RPGRIP1: variants seen among roughly 807,000 people sequenced by gnomAD.
The protein encoded by RPGRIP1 is X-linked retinitis pigmentosa GTPase regulator-interacting protein 1.
Under a neutral mutation model 157.9 loss-of-function variants are expected in RPGRIP1, and 128 were observed. The ratio of observed to expected loss-of-function variants is 0.81; its 90% CI spans 0.70 to 0.94. The LOEUF is 0.94. RPGRIP1 is among the 40% of genes least tolerant of loss of function. RPGRIP1 has a pLI of 0.00. For missense variants in RPGRIP1, 1,486 were observed against 1,545.8 expected (o/e 0.96, Z 0.65); for synonymous variants, 554 against 571.6 (o/e 0.97, Z 0.44).
chr14:21,321,395 GT>G lies in RPGRIP1; in HGVS notation c.1606del (p.Tyr536IlefsTer8). 1 of 1,610,140 alleles carries G rather than the reference GT, an allele frequency of 6.2e-7. No individual in the cohort carries two copies. The highest frequency in any genetic ancestry group is 8.5e-7 in the Non-Finnish European group (1 of 1,178,542). ...ATTCTGCAGCGCAAAATCAACGTGT[GT>G]TATCAGGTGCAAGGAAAGATGGTAC... is the stretch of plus-strand genomic sequence containing the variant. The part of the protein sequence containing the change: ...MLILQRKINV[C>X]YQEELEAMMT... On this transcript the variant is annotated frameshift_variant, in exon 13 of 25. Transcript: ENST00000400017. LOFTEE classifies it high-confidence loss of function.
chr14:21,336,052 G>A (rs1033438713), intron 21 of RPGRIP1, among the ~76,000 whole-genome samples: 2 of 152,274 alleles, frequency 1.3e-5, no homozygotes, highest in East Asian at 3.9e-4. Flanking sequence ...AAACCAAGGA[G>A]GTAGATTGTG....
At chr14:21,282,380 G>A (rs2139125494) in intron 1 of RPGRIP1, among the ~76,000 whole-genome samples, 1 of 151,754 alleles carries the variant, frequency 6.6e-6, no homozygotes, top group African/African-American at 2.4e-5. Context: ...GGGACTACAG[G>A]CACGCACCAC....
chr14:21,289,273 A>T (rs747301604), intron 2 of RPGRIP1, among the ~76,000 whole-genome samples: 1 of 152,096 alleles, frequency 6.6e-6, no homozygotes, highest in Non-Finnish European at 1.5e-5. Context: ...GCTTGCAGTG[A>T]GCCGAGATCG....
intron 1 of RPGRIP1, among the ~76,000 whole-genome samples, chr14:21,286,335 G>A (rs1880298468): frequency 6.6e-6 from 1 of 151,916 alleles, no homozygotes; most frequent in African/African-American, 2.4e-5. Context: ...GCTAATGGGT[G>A]AGGGAAAGGG....
chr14:21,326,530 C>T (rs950346261), intron 17 of RPGRIP1, among the ~76,000 whole-genome samples: 2 of 151,994 alleles, frequency 1.3e-5, no homozygotes, highest in African/African-American at 2.4e-5. Context: ...CCACCACACC[C>T]GGCTAATTTT....
rs1957413 is a variant in RPGRIP1, at chr14:21,310,429, G to A, written c.907-155G>A. Among the ~76,000 whole-genome samples, 82,135 of 151,964 alleles carry A rather than the reference G, an allele frequency of 0.54. 22,249 individuals are homozygous for A. The highest frequency in any genetic ancestry group is 0.61 in the South Asian group (2,961 of 4,820). On this transcript the variant is annotated intron_variant, in intron 7 of 24. Coordinates refer to ENST00000400017, the MANE Select transcript of RPGRIP1 (RefSeq NM_020366.4). The stretch of plus-strand genomic sequence containing the variant: ...CAGACTACTTGGCAAGCTAGGGCAG[G>A]GGAAAAATAGCAACAATTAGTAAAC...
intron 1 of RPGRIP1, 112 bp from the exon 2 acceptor site, chr14:21,287,827 A>G (rs905342330): frequency 7.2e-6 from 4 of 558,878 alleles, no homozygotes; most frequent in African/African-American, 3.8e-5. Context: ...TGACTCTGAC[A>G]TGTCATATAC....
intron 10 of RPGRIP1, among the ~76,000 whole-genome samples, chr14:21,317,188 C>T (rs1881865985): frequency 6.6e-6 from 1 of 152,062 alleles, no homozygotes. Flanking sequence ...TGGGTCTGCT[C>T]TGACAGCTTG....
At chr14:21,294,922 G>GCAA (rs1880704745) in intron 3 of RPGRIP1, 113 bp downstream of exon 3, 1 of 814,452 alleles carries the variant, frequency 1.2e-6, no homozygotes, top group African/African-American at 2.0e-5. Flanking sequence ...TTGGCTCACT[G>GCAA]CAACCTCCGC....
At chr14:21,339,944 A>G (rs1364234861) in intron 21 of RPGRIP1, among the ~76,000 whole-genome samples, 2 of 152,220 alleles carry the variant, frequency 1.3e-5, no homozygotes, top group Non-Finnish European at 2.9e-5. Flanking sequence ...GATTCTAAGT[A>G]CTATGAAGGA....
Position 21,351,189 on chromosome 14 carries a change from G to A in RPGRIP1, c.3834G>A (p.Lys1278=). 6.2e-7 allele frequency: 1 copy of A among 1,608,722 alleles called. No individual in the cohort carries two copies. Among genetic ancestry groups the A allele is most frequent in the Non-Finnish European group, 8.5e-7 (1 of 1,176,266 alleles). ...CTGCTGTCCTCCATGCTATTTACAA[G>A]GAGATGACTGAAGATTTGTTTTCAT... ...QAAAVLHAIY[K]EMTEDLFS is the part of the protein sequence containing the mutation. The change falls in exon 25 of 25, where the codon AAG becomes AAA. Residue 1278 remains lysine (K), a synonymous_variant. Transcript: ENST00000400017.
At chr14:21,285,135 G>C (rs146937881) in intron 1 of RPGRIP1, among the ~76,000 whole-genome samples, 1 of 151,920 alleles carries the variant, frequency 6.6e-6, no homozygotes, top group African/African-American at 2.4e-5. Context: ...ATAAATGAAG[G>C]TAGTTTCTGT....
intron 7 of RPGRIP1, among the ~76,000 whole-genome samples, chr14:21,308,563 T>A (rs2139170196): frequency 6.6e-6 from 1 of 152,196 alleles, no homozygotes; most frequent in South Asian, 2.1e-4. Flanking sequence ...GTGGGTGAGG[T>A]GCTGATATGG....
At chr14:21,282,404 T>C (rs1476007925) in intron 1 of RPGRIP1, among the ~76,000 whole-genome samples, 1 of 151,142 alleles carries the variant, frequency 6.6e-6, no homozygotes, top group African/African-American at 2.4e-5. Context: ...GCCTGGCTAA[T>C]TTTTTTGTAT....
At position 21,325,967 on chromosome 14, in the gene RPGRIP1, A is replaced by T; in HGVS notation, c.2504A>T (p.Asp835Val). 6.2e-7 allele frequency: 1 copy of T among 1,613,938 alleles called. No individual in the cohort carries two copies. The highest frequency in any genetic ancestry group is 8.5e-7 in the Non-Finnish European group (1 of 1,179,884). Reference protein sequence around the residue: ...VYRFFTFSDHDTAIIPASNNP... With the variant: ...VYRFFTFSDHVTAIIPASNNP... The stretch of plus-strand genomic sequence containing the variant: ...CGCTTCTTCACCTTTTCTGACCATG[A>T]CACTGCCATCATTCCAGCCAGTAAC... The change falls in exon 17 of 25, where the codon GAC (aspartate) becomes GTC (valine). Residue 835 changes from aspartate (D) to valine (V), a missense_variant. Physicochemically the swap from Asp to Val is radical, Grantham distance 152 (BLOSUM62 -3). Transcript: ENST00000400017.
At chr14:21,321,548 G>A in intron 13 of RPGRIP1, 146 bp downstream of exon 13, 1 of 1,426,568 alleles carries the variant, frequency 7.0e-7, no homozygotes, top group Non-Finnish European at 9.2e-7. Context: ...GCTGTCCTTT[G>A]AAGAACTTGA....
intron 20 of RPGRIP1, among the ~76,000 whole-genome samples, chr14:21,331,832 G>A (rs1763875254): frequency 1.3e-5 from 2 of 151,452 alleles, no homozygotes; most frequent in Admixed American, 1.3e-4. Context: ...TTAATAATGA[G>A]AGGAAAAATA....
At chr14:21,316,644 C>A (rs1376948666) in intron 10 of RPGRIP1, among the ~76,000 whole-genome samples, 1 of 152,194 alleles carries the variant, frequency 6.6e-6, no homozygotes. Flanking sequence ...TCTCGAAGTC[C>A]TGACCTCATG....
At chr14:21,338,106 T>G (rs60373936) in intron 21 of RPGRIP1, among the ~76,000 whole-genome samples, 1 of 151,838 alleles carries the variant, frequency 6.6e-6, no homozygotes, top group East Asian at 1.9e-4. Flanking sequence ...TTAGTAGAGA[T>G]GGGGTTTCAC....
Sources: allele counts gnomAD v4.1 joint callset (sites outside exome capture counted in the v4.1 genomes callset), GRCh38; gene constraint gnomAD v4.1.1; transcripts MANE v1.5; gene names NCBI Gene and HGNC (gene_info 2026-07-23, HGNC 2026-07-21).